The following EPB42 variants were observed in gnomAD, a reference collection of about 807,000 sequenced individuals.
EPB42 encodes the protein protein 4.2.
In EPB42, 49 loss-of-function variants were observed where a neutral mutation model predicts 76.9. The ratio of observed to expected loss-of-function variants is 0.64; its 90% CI spans 0.51 to 0.81. The LOEUF (loss-of-function observed/expected upper bound fraction) is 0.81. Among genes scored for constraint, EPB42 ranks in the 30% least tolerant of loss-of-function variants. The pLI is 0.00. For missense variants in EPB42, 731 were observed against 867.6 expected (o/e 0.84, Z 1.98); for synonymous variants, 310 against 338.4 (o/e 0.92, Z 0.92).
intron 2 of EPB42, 40 bp downstream of exon 2, chr15:43,216,228 C>A (rs1272534419): frequency 6.2e-7 from 1 of 1,610,816 alleles, no homozygotes; most frequent in South Asian, 1.1e-5. Context: ...GAGAACCCCC[C>A]AGGCCTGCTG....
chr15:43,200,954 A>G (rs2042115908), intron 12 of EPB42, among the ~76,000 whole-genome samples: 2 of 152,100 alleles, frequency 1.3e-5, no homozygotes, highest in African/African-American at 2.4e-5. Flanking sequence ...AGCTGAGACT[A>G]CAGGCGTCTG....
chr15:43,201,005 G>A (rs576521825), intron 12 of EPB42, among the ~76,000 whole-genome samples: 15 of 152,162 alleles, frequency 9.9e-5, no homozygotes, highest in South Asian at 2.1e-4. Context: ...TAGTAGAGAC[G>A]GTGTTTCACT....
Position 43,203,175 on chromosome 15 carries a change from G to A in EPB42, c.1719C>T (p.Ser573=), listed in dbSNP as rs1050326214. The change falls in exon 11 of 13, where the codon TCC becomes TCT. Residue 573 remains serine, a synonymous_variant. Transcript: ENST00000441366. The stretch of plus-strand genomic sequence containing the variant: ...CTTCCTGAGCAAAGCAGCTAAGGTT[G>A]GATTCAGAGTGTGTTGCCATGGCGG... ...RLTAMATHSE[S]NLSCFAQEDI... 4.3e-6 allele frequency: 7 copies of A among 1,613,934 alleles called. No individual in the cohort carries two copies. In the African/African-American group the frequency reaches 5.3e-5, roughly 12 times the overall value.
chr15:43,206,189 A>G lies in EPB42; in HGVS notation c.1618+141T>C. ...AATATGTGTTGAATGAATGAATGAG[A>G]GAGAACATGAGAGTGAGCAGCAGGG... On this transcript the variant is annotated intron_variant, in intron 10 of 12. Transcript: ENST00000441366. The surrounding 1 kb of genome is among the most constrained non-coding windows in gnomAD (Gnocchi z 4.7). The G allele has an allele frequency of 1.2e-6, 1 of 838,270 alleles. No individual in the cohort carries two copies. Among genetic ancestry groups the G allele is most frequent in the Middle Eastern group, 2.4e-4 (1 of 4,218 alleles). 51.9% of individuals were successfully genotyped at this position (838,270 alleles called of 1,614,324 possible). A position where few individuals can be genotyped will look rare whatever the true frequency, so the allele number is the denominator to read the frequency against.
chr15:43,216,174 G>T, intron 2 of EPB42, 94 bp downstream of exon 2: 2 of 1,485,730 alleles, frequency 1.3e-6, no homozygotes, highest in Non-Finnish European at 1.9e-6. Context: ...CTGCAGTGTG[G>T]GCCATTTGTC....
intron 3 of EPB42, among the ~76,000 whole-genome samples, chr15:43,213,695 A>G (rs8035881): frequency 0.051 from 7,824 of 152,280 alleles, 623 homozygotes; most frequent in African/African-American, 0.16. Context: ...TCTGCCAGTC[A>G]TGGAAAGTCA....
chr15:43,205,360 T>C (rs183406318), intron 10 of EPB42, among the ~76,000 whole-genome samples: 76 of 152,350 alleles, frequency 5.0e-4, no homozygotes, highest in Non-Finnish European at 7.8e-4. Context: ...TCGGAATTAC[T>C]TCAGTTTTTA....
At chr15:43,222,755 A>C (rs2042473775), upstream of EPB42, among the ~76,000 whole-genome samples, 1 of 152,230 alleles carries the variant, frequency 6.6e-6, no homozygotes, top group Non-Finnish European at 1.5e-5. Context: ...TCCATGGGGA[A>C]ATGAAGGATT....
chr15:43,207,345 G>A lies in EPB42; in HGVS notation c.1172C>T (p.Ala391Val). ...ACAGCACTTCCAGACCACACATGAG[G>A]CATTTATGGCAGCAAAAAGGTCTGA... is the stretch of plus-strand genomic sequence containing the variant. Reference protein sequence around the residue: ...AVSDLFAAINASCVVWKCCED... With the variant: ...AVSDLFAAINVSCVVWKCCED... The change falls in exon 9 of 13, where the codon GCC becomes GTC. Residue 391 changes from alanine to valine, a missense_variant. By Grantham distance (64) the Ala-to-Val change is moderately conservative (BLOSUM62 0). Coordinates refer to ENST00000441366, the MANE Select transcript of EPB42 (RefSeq NM_001114134.2). 1 of 1,614,188 alleles carries A rather than the reference G, an allele frequency of 6.2e-7. No individual in the cohort carries two copies. Among genetic ancestry groups the A allele is most frequent in the Non-Finnish European group, 8.5e-7 (1 of 1,180,028 alleles).
chr15:43,216,512 G>T, intron 1 of EPB42, 59 bp from the exon 2 acceptor site: 2 of 1,578,016 alleles, frequency 1.3e-6, no homozygotes, highest in East Asian at 2.2e-5. Context: ...GTAAGTACAA[G>T]CAGAGATTCT....
At chr15:43,218,587 T>C (rs1286447409) in intron 1 of EPB42, among the ~76,000 whole-genome samples, 1 of 152,236 alleles carries the variant, frequency 6.6e-6, no homozygotes, top group Non-Finnish European at 1.5e-5. Context: ...CAGTGCTTTC[T>C]CATATCTGCA....
At chr15:43,209,808 T>C (rs989949405) in intron 5 of EPB42, among the ~76,000 whole-genome samples, 2 of 152,200 alleles carry the variant, frequency 1.3e-5, no homozygotes, top group Non-Finnish European at 2.9e-5. Context: ...ATCCCAAGCT[T>C]CTTTCAACTC....
rs1346227653 is a variant in EPB42 at position 43,206,279 on chromosome 15, C to T, written c.1618+51G>A. 1 of 1,537,260 alleles carries T rather than the reference C, an allele frequency of 6.5e-7. No homozygotes were observed. The highest frequency in any genetic ancestry group is 8.8e-7 in the Non-Finnish European group (1 of 1,135,908). On this transcript the variant is annotated intron_variant, in intron 10 of 12. Coordinates refer to ENST00000441366, the MANE Select transcript of EPB42 (RefSeq NM_001114134.2). The surrounding 1 kb of genome is among the most constrained non-coding windows in gnomAD (Gnocchi z 4.7). ...GGCTGCTGCCTGCCCAAGGCAGGGGCCATGTGTGTGTGTGTGTCGGGGGGT... is the reference window on the plus strand; with the variant it reads ...GGCTGCTGCCTGCCCAAGGCAGGGGTCATGTGTGTGTGTGTGTCGGGGGGT...
intron 5 of EPB42, 65 bp downstream of exon 5, chr15:43,210,270 G>T: frequency 7.1e-7 from 1 of 1,412,240 alleles, no homozygotes; most frequent in Non-Finnish European, 1.0e-6. Flanking sequence ...CGGTGGTGGG[G>T]CAGGTCTCTC....
intron 10 of EPB42, chr15:43,206,000 A>C: frequency 3.8e-6 from 1 of 262,164 alleles, no homozygotes; most frequent in Non-Finnish European, 7.3e-6. Flanking sequence ...GATTCCATGC[A>C]GTACAATTTA....
chr15:43,200,139 C>T (rs979075770), intron 12 of EPB42, among the ~76,000 whole-genome samples: 2 of 152,158 alleles, frequency 1.3e-5, no homozygotes, highest in Admixed American at 6.5e-5. Flanking sequence ...TTGTCAGCAA[C>T]CTCCTGGCCT....
In EPB42 at chr15:43,197,769, G is replaced by A. The variant is rs182825788; in HGVS notation, c.1914-305C>T. 4.6e-5 allele frequency among the ~76,000 whole-genome samples: 7 copies of A among 152,272 alleles called. No homozygotes were observed. The East Asian group carries it at 1.4e-3, about 29-fold the overall frequency. On this transcript the variant is annotated intron_variant, in intron 12 of 12. Coordinates refer to ENST00000441366, the MANE Select transcript of EPB42 (RefSeq NM_001114134.2). Reference sequence around the variant, plus strand: ...TAATTGTATTGGAGTTTGTTTGGAAGAGTGATATGGTTTGGCTGTGTCCCC... The same window carrying A: ...TAATTGTATTGGAGTTTGTTTGGAAAAGTGATATGGTTTGGCTGTGTCCCC...
chr15:43,203,227 G>A lies in EPB42; in HGVS notation c.1667C>T (p.Pro556Leu), dbSNP rs777126804. The A allele has an allele frequency of 1.2e-6, 2 of 1,614,140 alleles. No homozygotes were observed. Among genetic ancestry groups the A allele is most frequent in the Admixed American group, 3.3e-5 (2 of 60,018 alleles). ...GAGTCTAAGGAAGGTGTTCTCGGGTGGGTTTCGCTCAAAATTGGAGAAGAA... is the reference window on the plus strand; with the variant it reads ...GAGTCTAAGGAAGGTGTTCTCGGGTAGGTTTCGCTCAAAATTGGAGAAGAA... ...GLFFSNFERN[P>L]PENTFLRLTA... is the part of the protein sequence containing the mutation. Residue 556 changes from proline (P) to leucine (L), a missense_variant, in exon 11 of 13, where the codon CCA (proline) becomes CTA (leucine). Pro to Leu is a moderately conservative substitution (Grantham distance 98). Coordinates refer to ENST00000441366, the MANE Select transcript of EPB42 (RefSeq NM_001114134.2).
intron 3 of EPB42, among the ~76,000 whole-genome samples, chr15:43,214,332 G>A (rs1301869414): frequency 6.6e-6 from 1 of 152,176 alleles, no homozygotes; most frequent in Non-Finnish European, 1.5e-5. Context: ...TTTGCTAGAG[G>A]TGGCCACGGT....
Sources: gnomAD v4.1 joint callset for allele counts (sites outside exome capture counted in the v4.1 genomes callset) on GRCh38, gnomAD v4.1.1 for gene constraint, Gnocchi (gnomAD v3.1) non-coding constraint, MANE v1.5 for transcripts, NCBI Gene and HGNC (gene_info 2026-07-23, HGNC 2026-07-21) for gene names.